ERLEC1: variants seen among roughly 807,000 people sequenced by gnomAD.
The protein encoded by ERLEC1 is endoplasmic reticulum lectin 1, also known as ER lectin.
A neutral mutation model predicts 68.0 loss-of-function variants in ERLEC1; 47 were observed. That is an observed-to-expected ratio of 0.69 (90% CI 0.55 to 0.88). The LOEUF (loss-of-function observed/expected upper bound fraction) is 0.88. Ranked by LOEUF, ERLEC1 falls within the 40% of genes least tolerant of loss-of-function variation. The probability of loss-of-function intolerance (pLI) is 0.00; values close to 1 mark genes in which losing one functional copy is unlikely to be tolerated. For missense variants in ERLEC1, 567 were observed against 583.8 expected (o/e 0.97, Z 0.30); for synonymous variants, 225 against 203.2 (o/e 1.11, Z -0.91).
At chr2:53,813,137 A>G in intron 11 of ERLEC1, 64 bp downstream of exon 11, 1 of 1,553,152 alleles carries the variant, frequency 6.4e-7, no homozygotes, top group South Asian at 1.2e-5. Flanking sequence ...CAAAATATTG[A>G]AAAACATAAA....
At chr2:53,796,529 G>A (rs77015394) in intron 3 of ERLEC1, among the ~76,000 whole-genome samples, 2 of 151,404 alleles carry the variant, frequency 1.3e-5, no homozygotes, top group East Asian at 1.9e-4. Flanking sequence ...GCATGATCAC[G>A]ATTCACTGCA....
intron 2 of ERLEC1, among the ~76,000 whole-genome samples, chr2:53,795,249 C>T (rs1175043761): frequency 6.6e-6 from 1 of 152,112 alleles, no homozygotes; most frequent in Non-Finnish European, 1.5e-5. Context: ...GGCCTAGGAG[C>T]CAGGAGGCTG....
intron 10 of ERLEC1, among the ~76,000 whole-genome samples, chr2:53,809,476 T>G (rs1676473470): frequency 6.6e-6 from 1 of 152,242 alleles, no homozygotes; most frequent in Non-Finnish European, 1.5e-5. Flanking sequence ...TATTGCTTAT[T>G]AATTACTCAT....
At chr2:53,790,015 C>CAAAA (rs751868369) in intron 1 of ERLEC1, among the ~76,000 whole-genome samples, 2 of 85,966 alleles carry the variant, frequency 2.3e-5, no homozygotes, top group African/African-American at 4.4e-5. Context: ...GAGTCTGTCT[C>CAAAA]AAAAAAAAAA....
At chr2:53,810,690 A>G (rs1240180170) in intron 10 of ERLEC1, among the ~76,000 whole-genome samples, 6 of 152,354 alleles carry the variant, frequency 3.9e-5, no homozygotes, top group African/African-American at 1.2e-4. Context: ...CAGACTGTCA[A>G]TTCACCTTCC....
chr2:53,804,551 C>T (rs1449218166), intron 8 of ERLEC1, among the ~76,000 whole-genome samples: 2 of 152,134 alleles, frequency 1.3e-5, no homozygotes, highest in Non-Finnish European at 2.9e-5. Flanking sequence ...GCTGGGATTA[C>T]AGGCATGAGC....
chr2:53,809,114 A>T (rs572956837), intron 9 of ERLEC1, 100 bp from the exon 10 acceptor site: 2 of 801,858 alleles, frequency 2.5e-6, no homozygotes, highest in Admixed American at 5.5e-5. Context: ...TATTGCTTTT[A>T]CAGGTTTTAA....
At chr2:53,792,079 A>AT (rs984059160) in intron 1 of ERLEC1, among the ~76,000 whole-genome samples, 2 of 151,252 alleles carry the variant, frequency 1.3e-5, no homozygotes, top group Admixed American at 6.6e-5. Flanking sequence ...GGCCGGCTAA[A>AT]TTTTTTTTGT....
At chr2:53,810,733 C>G (rs1676548702) in intron 10 of ERLEC1, among the ~76,000 whole-genome samples, 1 of 152,160 alleles carries the variant, frequency 6.6e-6, no homozygotes, top group South Asian at 2.1e-4. Context: ...ATGAGGCATC[C>G]ATAGACTAGG....
intron 13 of ERLEC1, among the ~76,000 whole-genome samples, chr2:53,817,503 G>C (rs974938188): frequency 3.3e-5 from 5 of 152,054 alleles, no homozygotes; most frequent in African/African-American, 1.2e-4. Flanking sequence ...ATCATGTTTA[G>C]TATAATTATT....
chr2:53,790,542 T>C (rs1675335384), intron 1 of ERLEC1, among the ~76,000 whole-genome samples: 1 of 152,246 alleles, frequency 6.6e-6, no homozygotes, highest in Non-Finnish European at 1.5e-5. Context: ...TTAAATTGTC[T>C]TCCCATTCAG....
At chr2:53,794,844 G>A (rs1174414270) in intron 2 of ERLEC1, among the ~76,000 whole-genome samples, 2 of 151,828 alleles carry the variant, frequency 1.3e-5, no homozygotes, top group African/African-American at 2.4e-5. Context: ...TAGTAGAGAC[G>A]GGGTTTTACC....
chr2:53,787,129 C>G lies in ERLEC1; in HGVS notation c.-82C>G. On this transcript the variant is annotated 5_prime_UTR_variant, in exon 1 of 14. Transcript: ENST00000185150. Reference sequence around the variant, plus strand: ...CGGGCGCTTTATAGTCCCGCCGCCTCCTCCTCCACCTCCTCCTCCTCCTCC... The same window carrying G: ...CGGGCGCTTTATAGTCCCGCCGCCTGCTCCTCCACCTCCTCCTCCTCCTCC... The G allele has an allele frequency of 7.8e-7, 1 of 1,283,448 alleles. No individual in the cohort carries two copies. The highest frequency in any genetic ancestry group is 1.6e-5 in the South Asian group (1 of 64,020). 79.5% of individuals were successfully genotyped at this position (1,283,448 alleles called of 1,614,324 possible). A position where few individuals can be genotyped will look rare whatever the true frequency, so the allele number is the denominator to read the frequency against.
intron 8 of ERLEC1, among the ~76,000 whole-genome samples, chr2:53,803,258 C>G (rs112679447): frequency 0.011 from 1,690 of 152,318 alleles, 20 homozygotes; most frequent in Non-Finnish European, 0.017. Flanking sequence ...TTGTGACCAA[C>G]ACTGTCATTC....
intron 8 of ERLEC1, among the ~76,000 whole-genome samples, chr2:53,807,576 G>GT (rs1444677526): frequency 3.3e-5 from 5 of 152,040 alleles, no homozygotes; most frequent in Non-Finnish European, 5.9e-5. Context: ...TTTAATAATT[G>GT]TAACTAATAT....
chr2:53,817,845 C>A, intron 13 of ERLEC1, 53 bp from the exon 14 acceptor site: 1 of 1,065,968 alleles, frequency 9.4e-7, no homozygotes, highest in Non-Finnish European at 1.5e-6. Flanking sequence ...CAGAATAGTA[C>A]TGAAAAGTAT....
In ERLEC1 at chr2:53,801,721, C is replaced by T. The variant is rs1340586793; in HGVS notation, c.758C>T (p.Ala253Val). 2 of 1,613,906 alleles carry T rather than the reference C, an allele frequency of 1.2e-6. No homozygotes were observed. The highest frequency in any genetic ancestry group is 1.7e-6 in the Non-Finnish European group (2 of 1,179,946). ...LCSHPKYRFR[A>V]SPVNDIFCQS... ...TTGTTCCTACTGAACAGGTTCAGAG[C>T]ATCTCCTGTGAATGACATATTTTGT... Residue 253 changes from alanine to valine, a missense_variant, in exon 8 of 14, where the codon GCA becomes GTA. By Grantham distance (64) the Ala-to-Val change is moderately conservative (BLOSUM62 0). Coordinates refer to ENST00000185150, the MANE Select transcript of ERLEC1 (RefSeq NM_015701.5).
chr2:53,794,308 C>T (rs746604453), intron 1 of ERLEC1, 37 bp from the exon 2 acceptor site: 7 of 902,442 alleles, frequency 7.8e-6, no homozygotes, highest in South Asian at 3.6e-5. Context: ...TACAATTTCA[C>T]GGAGAACATA....
intron 3 of ERLEC1, among the ~76,000 whole-genome samples, chr2:53,796,342 G>A (rs976170336): frequency 1.4e-5 from 2 of 147,274 alleles, no homozygotes; most frequent in Non-Finnish European, 3.0e-5. Context: ...GTGTCCATGT[G>A]TTCTCATTTT....
Sources: allele counts gnomAD v4.1 joint callset (sites outside exome capture counted in the v4.1 genomes callset), GRCh38; gene constraint gnomAD v4.1.1; transcripts MANE v1.5; gene names NCBI Gene and HGNC (gene_info 2026-07-23, HGNC 2026-07-21).